NTM: variants seen among roughly 807,000 people sequenced by gnomAD.
NTM encodes the protein neurotrimin.
A neutral mutation model predicts 42.1 loss-of-function variants in NTM; 13 were observed. The ratio of observed to expected loss-of-function variants is 0.31; its 90% CI spans 0.20 to 0.49. The LOEUF is 0.49. Ranked by LOEUF, NTM falls within the 20% of genes least tolerant of loss-of-function variation. NTM has a pLI of 0.99. For synonymous variants in NTM, 187 were observed against 179.2 expected, an observed-to-expected ratio of 1.04 and a Z score of -0.35; for missense variants, 373 against 452.8, an observed-to-expected ratio of 0.82 and a Z score of 1.60.
chr11:132,291,775 G>A (rs1443018475), intron 4 of NTM, among the ~76,000 whole-genome samples: 2 of 152,192 alleles, frequency 1.3e-5, no homozygotes, highest in Non-Finnish European at 2.9e-5. Context: ...TGTCAGCTAT[G>A]TATATTGCTG....
chr11:131,646,970 G>A (rs2065845451), intron 1 of NTM, among the ~76,000 whole-genome samples: 1 of 152,184 alleles, frequency 6.6e-6, no homozygotes, highest in Non-Finnish European at 1.5e-5. Context: ...AATTAAATGT[G>A]GACAGAACAC....
intron 1 of NTM, among the ~76,000 whole-genome samples, chr11:131,850,643 G>C (rs1367557086): frequency 6.6e-6 from 1 of 152,216 alleles, no homozygotes; most frequent in Non-Finnish European, 1.5e-5. Flanking sequence ...GTAGGTAGCG[G>C]CTGCTGATCA....
At chr11:131,604,986 C>T (rs2060818699) in intron 1 of NTM, among the ~76,000 whole-genome samples, 1 of 151,658 alleles carries the variant, frequency 6.6e-6, no homozygotes, top group African/African-American at 2.4e-5. Flanking sequence ...GTTTTGAAAT[C>T]AGGAAATGTG....
Position 131,845,195 on chromosome 11 carries a change from C to T in NTM, c.83-66369C>T, listed in dbSNP as rs896449223. 2.6e-5 allele frequency among the ~76,000 whole-genome samples: 4 copies of T among 152,144 alleles called. No homozygotes were observed. The East Asian group carries it at 7.7e-4, about 29-fold the overall frequency. On this transcript the variant is annotated intron_variant, in intron 1 of 8. Coordinates refer to ENST00000683400, the MANE Select transcript of NTM (RefSeq NM_001352005.2). Reference sequence around the variant, plus strand: ...TTTTATTAAATAGTTGTTCTGTATTCTTTGAAATAAAAAACAGTGATTTTT... The same window carrying T: ...TTTTATTAAATAGTTGTTCTGTATTTTTTGAAATAAAAAACAGTGATTTTT...
intron 2 of NTM, among the ~76,000 whole-genome samples, chr11:132,011,978 TA>T (rs1184186749): frequency 6.6e-6 from 1 of 152,252 alleles, no homozygotes; most frequent in Admixed American, 6.5e-5. Context: ...TCAAACTCTT[TA>T]ATGTAATTAA....
rs73027516 is a variant in NTM, at chr11:131,857,692, C to T, written c.83-53872C>T. 6.2e-3 allele frequency among the ~76,000 whole-genome samples: 945 copies of T among 152,188 alleles called. 3 individuals are homozygous for T. The highest frequency in any genetic ancestry group is 0.031 in the Middle Eastern group (9 of 294). On this transcript the variant is annotated intron_variant, in intron 1 of 8. Transcript: ENST00000683400. ...CTCCCTCACCCTCACTAAATGACACCGCAGATTTGTACATCTTTCCTATCT... is the reference window on the plus strand; with the variant it reads ...CTCCCTCACCCTCACTAAATGACACTGCAGATTTGTACATCTTTCCTATCT...
intron 1 of NTM, among the ~76,000 whole-genome samples, chr11:131,732,560 T>C (rs1012688632): frequency 1.3e-5 from 2 of 152,332 alleles, no homozygotes; most frequent in East Asian, 1.9e-4. Flanking sequence ...CCAATTGTTA[T>C]TTTGATGAAA....
chr11:132,047,660 G>A (rs538033453), intron 2 of NTM, among the ~76,000 whole-genome samples: 2 of 152,298 alleles, frequency 1.3e-5, no homozygotes, highest in South Asian at 2.1e-4. Flanking sequence ...TTCTTGACCC[G>A]GTGGCCAGGC....
chr11:132,329,525 C>T (rs1353491321), intron 7 of NTM, among the ~76,000 whole-genome samples: 2 of 152,156 alleles, frequency 1.3e-5, no homozygotes. Flanking sequence ...GAGATGAAGC[C>T]CTGTGGGACC....
At chr11:131,817,686 G>A (rs2093006518) in intron 1 of NTM, among the ~76,000 whole-genome samples, 1 of 152,196 alleles carries the variant, frequency 6.6e-6, no homozygotes, top group South Asian at 2.1e-4. Context: ...GCTTCCATGA[G>A]GATGGTTCCC....
intron 2 of NTM, among the ~76,000 whole-genome samples, chr11:132,037,543 G>C (rs1245677273): frequency 6.6e-6 from 1 of 152,270 alleles, no homozygotes; most frequent in Non-Finnish European, 1.5e-5. Context: ...GTTGACCTGC[G>C]AGAAGAGTCA....
chr11:132,288,774 CA>C (rs1459127888), intron 4 of NTM, among the ~76,000 whole-genome samples: 1 of 152,118 alleles, frequency 6.6e-6, no homozygotes, highest in African/African-American at 2.4e-5. Context: ...CGCCCACCAC[CA>C]CGCCCAGCTA....
chr11:131,604,474 G>C (rs2060758618), intron 1 of NTM, among the ~76,000 whole-genome samples: 1 of 151,924 alleles, frequency 6.6e-6, no homozygotes, highest in African/African-American at 2.4e-5. Context: ...CCACTCTGTA[G>C]CTTCTTTCAC....
chr11:132,162,316 G>T (rs942142588), intron 3 of NTM, among the ~76,000 whole-genome samples: 20 of 151,806 alleles, frequency 1.3e-4, no homozygotes, highest in African/African-American at 4.8e-4. Flanking sequence ...GTGTATGTGG[G>T]TGGAGTGTTG....
chr11:131,438,264 G>T (rs1949314622), intron 1 of NTM, among the ~76,000 whole-genome samples: 1 of 152,056 alleles, frequency 6.6e-6, no homozygotes, highest in Admixed American at 6.6e-5. Flanking sequence ...GTGTCTTGGG[G>T]TTGCTCTTCT....
chr11:132,291,357 A>C (rs777772807), intron 4 of NTM, among the ~76,000 whole-genome samples: 5 of 152,120 alleles, frequency 3.3e-5, no homozygotes, highest in African/African-American at 4.8e-5. Flanking sequence ...TTTTTTGAGA[A>C]ATGTGACTGG....
intron 2 of NTM, among the ~76,000 whole-genome samples, chr11:132,088,597 T>C (rs2060025354): frequency 6.6e-6 from 1 of 152,222 alleles, no homozygotes; most frequent in Admixed American, 6.5e-5. Flanking sequence ...AGCCACGCTC[T>C]TCCCCAGCAT....
chr11:131,442,393 T>A (rs1256496247), intron 1 of NTM, among the ~76,000 whole-genome samples: 1 of 152,210 alleles, frequency 6.6e-6, no homozygotes, highest in Non-Finnish European at 1.5e-5. Flanking sequence ...AGAGGGGACA[T>A]GACAGCTTTC....
intron 2 of NTM, among the ~76,000 whole-genome samples, chr11:132,056,850 C>T (rs1264426958): frequency 6.6e-6 from 1 of 152,134 alleles, no homozygotes; most frequent in Non-Finnish European, 1.5e-5. Flanking sequence ...CAGTGCACTC[C>T]ACGGAAACCA....
Sources: gnomAD v4.1 joint callset for allele counts (sites outside exome capture counted in the v4.1 genomes callset) on GRCh38, gnomAD v4.1.1 for gene constraint, MANE v1.5 for transcripts, NCBI Gene and HGNC (gene_info 2026-07-23, HGNC 2026-07-21) for gene names.